RABEP1: variants seen among roughly 807,000 people sequenced by gnomAD.
The protein encoded by RABEP1 is rabaptin, RAB GTPase binding effector protein 1.
Under a neutral mutation model 123.4 loss-of-function variants are expected in RABEP1, and 51 were observed. That is an observed-to-expected ratio of 0.41 (90% CI 0.33 to 0.52). The LOEUF (loss-of-function observed/expected upper bound fraction) is 0.52. Ranked by LOEUF, RABEP1 falls within the 20% of genes least tolerant of loss-of-function variation. The pLI, the probability that RABEP1 is intolerant of heterozygous loss-of-function variation, is 0.16. For synonymous variants in RABEP1, 347 were observed against 355.2 expected (o/e 0.98, Z 0.26); for missense variants, 888 against 996.3 (o/e 0.89, Z 1.46).
At chr17:5,284,548 C>T (rs769181566) in intron 1 of RABEP1, among the ~76,000 whole-genome samples, 7 of 152,014 alleles carry the variant, frequency 4.6e-5, no homozygotes, top group South Asian at 2.1e-4. Flanking sequence ...TCACTGCAGC[C>T]TCGACCTCCT....
At chr17:5,335,582 T>G (rs545437901) in intron 4 of RABEP1, among the ~76,000 whole-genome samples, 15 of 152,146 alleles carry the variant, frequency 9.9e-5, no homozygotes, top group Non-Finnish European at 1.9e-4. Context: ...CACCCGCCAT[T>G]TAACATTGCA....
In RABEP1 at chr17:5,383,667, T is replaced by G. The variant is rs530455226; in HGVS notation, c.*444T>G. The G allele has an allele frequency of 1.3e-5, 3 of 234,812 alleles. No homozygotes were observed. Among genetic ancestry groups the G allele is most frequent in the South Asian group, 3.3e-4 (2 of 6,056 alleles). The allele number at this position is 234,812 out of a possible 1,614,324, so 14.5% of individuals were successfully genotyped here. A position where few individuals can be genotyped will look rare whatever the true frequency, so the allele number is the denominator to read the frequency against. On this transcript the variant is annotated 3_prime_UTR_variant, in exon 18 of 18. Coordinates refer to ENST00000537505, the MANE Select transcript of RABEP1 (RefSeq NM_004703.6). The stretch of plus-strand genomic sequence containing the variant: ...ACAGTATTCAGTTAGCAGACAGAAG[T>G]GTAGTATGCTGTATGAATATTTTAT...
intron 8 of RABEP1, among the ~76,000 whole-genome samples, chr17:5,360,649 C>T (rs1486670719): frequency 1.3e-5 from 2 of 152,248 alleles, no homozygotes; most frequent in Non-Finnish European, 2.9e-5. Context: ...TAATCTTTCT[C>T]AGGGTTCTGC....
chr17:5,306,787 A>G (rs1750505847), intron 1 of RABEP1, among the ~76,000 whole-genome samples: 1 of 152,212 alleles, frequency 6.6e-6, no homozygotes, highest in Admixed American at 6.5e-5. Context: ...TTAAATAAAT[A>G]CCACCAATTT....
chr17:5,373,824 T>C (rs1345438528), intron 13 of RABEP1, among the ~76,000 whole-genome samples: 4 of 152,140 alleles, frequency 2.6e-5, no homozygotes, highest in Admixed American at 6.6e-5. Flanking sequence ...TCTGCCTCTA[T>C]AGATTTCCCT....
At chr17:5,292,424 C>T (rs2075042292) in intron 1 of RABEP1, among the ~76,000 whole-genome samples, 2 of 151,568 alleles carry the variant, frequency 1.3e-5, no homozygotes, top group Admixed American at 6.6e-5. Flanking sequence ...AGTTTCGCTT[C>T]GTTACCAGGC....
At chr17:5,343,028 G>A (rs992974042) in intron 5 of RABEP1, among the ~76,000 whole-genome samples, 38 of 152,214 alleles carry the variant, frequency 2.5e-4, no homozygotes, top group Non-Finnish European at 4.4e-4. Flanking sequence ...GGGAGGCCAA[G>A]GCAGGTGGGT....
chr17:5,343,559 G>A (rs976097266), intron 5 of RABEP1, among the ~76,000 whole-genome samples: 1 of 151,808 alleles, frequency 6.6e-6, no homozygotes, highest in African/African-American at 2.4e-5. Flanking sequence ...TTTCTAAACC[G>A]GTAACGAACT....
At chr17:5,361,918 TCA>T (rs1387326559) in intron 9 of RABEP1, 1 of 454,860 alleles carries the variant, frequency 2.2e-6, no homozygotes, top group East Asian at 3.7e-5. Context: ...CCACCTGAAC[TCA>T]CAGCTCTCAG....
At chr17:5,353,813 G>T (rs1480519566) in intron 7 of RABEP1, among the ~76,000 whole-genome samples, 1 of 152,128 alleles carries the variant, frequency 6.6e-6, no homozygotes, top group East Asian at 1.9e-4. Flanking sequence ...GTGAAACCCC[G>T]TCTCTACAAA....
chr17:5,331,877 C>A (rs1906578148), intron 2 of RABEP1, 72 bp from the exon 3 acceptor site: 2 of 1,372,322 alleles, frequency 1.5e-6, no homozygotes, highest in East Asian at 2.4e-5. Flanking sequence ...AATTTAATAC[C>A]TTATTTCTTT....
At position 5,324,696 on chromosome 17, in the gene RABEP1, T is replaced by TAAA. The variant is rs1446392246; in HGVS notation, c.164-7253_164-7252insAAA. On this transcript the variant is annotated intron_variant, in intron 2 of 17. Coordinates refer to ENST00000537505, the MANE Select transcript of RABEP1 (RefSeq NM_004703.6). ...ATAAGGGATTAATAACTACAATGTA[T>TAAA]GAAGAAGATTTGTTAAAGAAGCAAA... Among the ~76,000 whole-genome samples, 4 of 152,270 alleles carry TAAA rather than the reference T, an allele frequency of 2.6e-5. No individual in the cohort carries two copies. The East Asian group carries it at 5.8e-4, about 22-fold the overall frequency.
At chr17:5,293,508 GTAACC>G (rs2075052489) in intron 1 of RABEP1, among the ~76,000 whole-genome samples, 1 of 152,068 alleles carries the variant, frequency 6.6e-6, no homozygotes, top group South Asian at 2.1e-4. Flanking sequence ...ACGGCTCAAT[GTAACC>G]TTGACCTCTC....
At position 5,363,008 on chromosome 17, in the gene RABEP1, A is replaced by G. The variant is rs1909690489; in HGVS notation, c.1660A>G (p.Arg554Gly). The change falls in exon 10 of 18, where the codon AGA becomes GGA. Residue 554 changes from arginine to glycine, a missense_variant. Physicochemically the swap from Arg to Gly is moderately radical, Grantham distance 125. Transcript: ENST00000537505. ...QGIQIQEAET[R>G]DQVKKLQLML... ...AATTCAGATTCAGGAGGCTGAAACG[A>G]GAGACCAGGTGAGTTTCTTCTGGAT... 6.2e-7 allele frequency: 1 copy of G among 1,610,794 alleles called. No individual in the cohort carries two copies. The highest frequency in any genetic ancestry group is 1.7e-5 in the Admixed American group (1 of 60,024).
In RABEP1 at chr17:5,367,989, TCA is replaced by T. The variant is rs779638147; in HGVS notation, c.1786-380_1786-379del. ...CCAGGCTGGTCTCGAACTCCTGACC[TCA>T]GGTGATCTGCCCGCCTCAGCCTCCC... On this transcript the variant is annotated intron_variant, in intron 11 of 17. Coordinates refer to ENST00000537505, the MANE Select transcript of RABEP1 (RefSeq NM_004703.6). Among the ~76,000 whole-genome samples, 379 of 147,474 alleles carry T rather than the reference TCA, an allele frequency of 2.6e-3. 3 individuals are homozygous for T. Among genetic ancestry groups the T allele is most frequent in the East Asian group, 0.016 (67 of 4,180 alleles).
chr17:5,284,667 T>C (rs1370052791), intron 1 of RABEP1, among the ~76,000 whole-genome samples: 1 of 152,124 alleles, frequency 6.6e-6, no homozygotes. Context: ...CGTTTTGCCA[T>C]GTTGCCTAGG....
At chr17:5,302,591 CTTTTTTTTTT>C (rs546960637) in intron 1 of RABEP1, among the ~76,000 whole-genome samples, 2 of 123,408 alleles carry the variant, frequency 1.6e-5, no homozygotes, top group Non-Finnish European at 3.4e-5. Context: ...ATTTTTTAGA[CTTTTTTTTTT>C]TTTTTTTTTG....
intron 1 of RABEP1, among the ~76,000 whole-genome samples, chr17:5,284,807 C>G: frequency 6.6e-6 from 1 of 151,250 alleles, no homozygotes; most frequent in Non-Finnish European, 1.5e-5. Flanking sequence ...CTCATGTAGA[C>G]CATTTTAGCT....
intron 15 of RABEP1, among the ~76,000 whole-genome samples, chr17:5,378,859 G>A (rs1911212048): frequency 6.6e-6 from 1 of 152,130 alleles, no homozygotes; most frequent in Admixed American, 6.5e-5. Context: ...TTCATGGCTT[G>A]CTTTCTTTCC....
Sources: allele counts gnomAD v4.1 joint callset (sites outside exome capture counted in the v4.1 genomes callset), GRCh38; gene constraint gnomAD v4.1.1; transcripts MANE v1.5; gene names NCBI Gene and HGNC (gene_info 2026-07-23, HGNC 2026-07-21).